The following KAZN variants were observed in gnomAD, a reference collection of about 807,000 sequenced individuals.
The protein encoded by KAZN is kazrin.
KAZN carries 40 observed loss-of-function variants against 87.4 expected under a neutral mutation model. The observed-to-expected ratio is 0.46, with a 90% CI of 0.36 to 0.60. The LOEUF (loss-of-function observed/expected upper bound fraction) is 0.60, where lower values mean the gene tolerates loss of function less well. Among genes scored for constraint, KAZN ranks in the 20% least tolerant of loss-of-function variants. KAZN has a pLI of 0.00. For synonymous variants in KAZN, 466 were observed against 458.3 expected (o/e 1.02, Z -0.22); for missense variants, 898 against 1,073.9 (o/e 0.84, Z 2.29).
intron 2 of KAZN, among the ~76,000 whole-genome samples, chr1:14,473,720 C>T (rs1331408666): frequency 6.6e-6 from 1 of 152,008 alleles, no homozygotes; most frequent in East Asian, 1.9e-4. Flanking sequence ...CATTCTGTTC[C>T]ACTTCCCTCA....
At position 14,259,244 on chromosome 1, in the gene KAZN, G is replaced by A. The variant is rs529011562; in HGVS notation, c.249+78652G>A. 1.6e-4 allele frequency among the ~76,000 whole-genome samples: 25 copies of A among 152,236 alleles called. No individual in the cohort carries two copies. The South Asian group carries it at 5.2e-3, about 32-fold the overall frequency. ...CTGGGAGCACGTGTGCAACTCCACT[G>A]GGACAGTTTGTTCCAGATGTGCACA... is the stretch of plus-strand genomic sequence containing the variant. On this transcript the variant is annotated intron_variant, in intron 2 of 16. Coordinates refer to the KAZN transcript ENST00000636203.
intron 2 of KAZN, among the ~76,000 whole-genome samples, chr1:14,357,469 A>G (rs1659133092): frequency 6.6e-6 from 1 of 152,202 alleles, no homozygotes; most frequent in Admixed American, 6.5e-5. Context: ...GTTGAATAAA[A>G]GTGGTGAGAG....
chr1:14,872,551 A>C (rs1274751563), intron 1 of KAZN, among the ~76,000 whole-genome samples: 3 of 152,206 alleles, frequency 2.0e-5, no homozygotes, highest in Non-Finnish European at 4.4e-5. Context: ...TGAAAGCTCC[A>C]ATGATGAAGC....
intron 2 of KAZN, among the ~76,000 whole-genome samples, chr1:14,273,374 TCCTGGC>T (rs1343950401): frequency 2.6e-5 from 4 of 152,156 alleles, no homozygotes; most frequent in Non-Finnish European, 5.9e-5. Context: ...TTCTCTGGTC[TCCTGGC>T]CCTAAAATTC....
At chr1:14,638,239 CCATT>C (rs1273527214) in intron 1 of KAZN, among the ~76,000 whole-genome samples, 1 of 152,128 alleles carries the variant, frequency 6.6e-6, no homozygotes, top group Non-Finnish European at 1.5e-5. Context: ...GGGGGGGACA[CCATT>C]CAACCCACAA....
chr1:14,157,304 C>T (rs1234550245), intron 1 of KAZN, among the ~76,000 whole-genome samples: 4 of 152,158 alleles, frequency 2.6e-5, no homozygotes, highest in Non-Finnish European at 5.9e-5. Flanking sequence ...TTATAATACT[C>T]TGTGTTTTTC....
intron 1 of KAZN, among the ~76,000 whole-genome samples, chr1:14,011,306 G>A (rs1016672293): frequency 1.2e-4 from 18 of 152,154 alleles, no homozygotes; most frequent in Non-Finnish European, 5.9e-5. Flanking sequence ...CCAGCTCCAG[G>A]TCTTCTTTCT....
At position 14,396,326 on chromosome 1, in the gene KAZN, C is replaced by G. The variant is rs77956613; in HGVS notation, c.250-202657C>G. ...CTGCAGGAATGTACACACAGTTTCT[C>G]TAGTTCAGCCACACCAGCTATGGCT... On this transcript the variant is annotated intron_variant, in intron 2 of 16. Coordinates refer to the KAZN transcript ENST00000636203. Among the ~76,000 whole-genome samples the G allele has an allele frequency of 5.3e-3, 810 of 152,258 alleles. 6 individuals carry two copies. The highest frequency in any genetic ancestry group is 0.019 in the African/African-American group (782 of 41,540).
chr1:14,048,289 C>T (rs748098878), intron 1 of KAZN, among the ~76,000 whole-genome samples: 3 of 152,332 alleles, frequency 2.0e-5, no homozygotes, highest in Non-Finnish European at 4.4e-5. Context: ...TCCTCTTCTC[C>T]ATGCCTACCA....
intron 8 of KAZN, among the ~76,000 whole-genome samples, chr1:15,083,454 G>A (rs868320410): frequency 1.1e-4 from 17 of 152,100 alleles, no homozygotes; most frequent in Middle Eastern, 3.2e-3. Flanking sequence ...CTTCCATCCC[G>A]CCTTTCCATG....
intron 2 of KAZN, among the ~76,000 whole-genome samples, chr1:14,332,727 T>G (rs1656940125): frequency 6.6e-6 from 1 of 152,166 alleles, no homozygotes; most frequent in Non-Finnish European, 1.5e-5. Flanking sequence ...TGTTTGGCCT[T>G]GGGCAAGTCA....
At chr1:14,606,986 T>A (rs955792277) in intron 1 of KAZN, among the ~76,000 whole-genome samples, 1 of 152,174 alleles carries the variant, frequency 6.6e-6, no homozygotes, top group Non-Finnish European at 1.5e-5. Context: ...GACAGCTCTG[T>A]GAGGTCAGGG....
chr1:14,149,373 C>T (rs1345410846), intron 1 of KAZN, among the ~76,000 whole-genome samples: 3 of 152,036 alleles, frequency 2.0e-5, no homozygotes, highest in East Asian at 3.9e-4. Context: ...TCCCAAAGTG[C>T]TGGGATTACA....
At chr1:14,941,026 C>T (rs1004045865) in intron 1 of KAZN, among the ~76,000 whole-genome samples, 26 of 150,538 alleles carry the variant, frequency 1.7e-4, no homozygotes, top group African/African-American at 6.4e-4. Flanking sequence ...AGTGATTCTC[C>T]TGCCTCGGCT....
intron 1 of KAZN, among the ~76,000 whole-genome samples, chr1:14,832,883 T>C (rs1308153539): frequency 1.3e-5 from 2 of 152,202 alleles, no homozygotes; most frequent in African/African-American, 4.8e-5. Flanking sequence ...TAAAGACTTA[T>C]TGGAACCCAA....
At chr1:14,689,973 TCTC>T (rs1482648742) in intron 1 of KAZN, among the ~76,000 whole-genome samples, 1 of 152,154 alleles carries the variant, frequency 6.6e-6, no homozygotes. Flanking sequence ...GTTTCCATCT[TCTC>T]TGTGGGAATC....
intron 1 of KAZN, among the ~76,000 whole-genome samples, chr1:14,701,582 A>G (rs1003416511): frequency 1.3e-5 from 2 of 152,214 alleles, no homozygotes; most frequent in African/African-American, 2.4e-5. Context: ...ACTTGATCCT[A>G]GGAGTTTGAG....
Position 14,833,536 on chromosome 1 carries a change from G to A in KAZN, c.227-127148G>A, listed in dbSNP as rs192546021. Among the ~76,000 whole-genome samples the A allele has an allele frequency of 2.9e-4, 44 of 152,262 alleles. No homozygotes were observed. In the Middle Eastern group the frequency reaches 0.01, roughly 35 times the overall value. On this transcript the variant is annotated intron_variant, in intron 1 of 14. Transcript: ENST00000376030. Reference sequence around the variant, plus strand: ...GTGGAGCACACCCCTCAGATATCCCGCCAAGGGGCAGGGAAAGTAGGGTAT... The same window carrying A: ...GTGGAGCACACCCCTCAGATATCCCACCAAGGGGCAGGGAAAGTAGGGTAT...
At chr1:14,336,644 T>A (rs1379163468) in intron 2 of KAZN, among the ~76,000 whole-genome samples, 1 of 152,232 alleles carries the variant, frequency 6.6e-6, no homozygotes, top group Admixed American at 6.5e-5. Flanking sequence ...TTTACTTTAG[T>A]CATTCTCATG....
Sources: gnomAD v4.1 joint callset for allele counts (sites outside exome capture counted in the v4.1 genomes callset) on GRCh38, gnomAD v4.1.1 for gene constraint, MANE v1.5 for transcripts, NCBI Gene and HGNC (gene_info 2026-07-23, HGNC 2026-07-21) for gene names.